Variants in ARHGAP24 observed in about 807,000 individuals in gnomAD.
The protein encoded by ARHGAP24 is Rho GTPase activating protein 24.
Under a neutral mutation model 76.4 loss-of-function variants are expected in ARHGAP24, and 50 were observed. The observed-to-expected ratio is 0.65, with a 90% CI of 0.52 to 0.83. The LOEUF (loss-of-function observed/expected upper bound fraction) is 0.83. ARHGAP24 is among the 40% of genes least tolerant of loss of function. The pLI is 0.00. For synonymous variants in ARHGAP24, 345 were observed against 323.3 expected, an observed-to-expected ratio of 1.07 and a Z score of -0.72; for missense variants, 930 against 914.2, an observed-to-expected ratio of 1.02 and a Z score of -0.22.
At chr4:85,684,224 A>G (rs1723338510) in intron 2 of ARHGAP24, among the ~76,000 whole-genome samples, 1 of 152,166 alleles carries the variant, frequency 6.6e-6, no homozygotes, top group East Asian at 1.9e-4. Context: ...AACAGTGCAC[A>G]AGAGTTCCAT....
At chr4:85,576,765 T>G (rs893836239) in intron 2 of ARHGAP24, among the ~76,000 whole-genome samples, 3 of 152,178 alleles carry the variant, frequency 2.0e-5, no homozygotes, top group Non-Finnish European at 2.9e-5. Flanking sequence ...TTTATTCCAC[T>G]GTTATTTAAA....
At position 85,723,183 on chromosome 4, in the gene ARHGAP24, T is replaced by G. The variant is rs343860; in HGVS notation, c.268+1211T>G. The stretch of plus-strand genomic sequence containing the variant: ...GTCTTTGAAGTATCAGTAGAGGAAA[T>G]GTCTTTTCCGATTTATTCTCAGACA... On this transcript the variant is annotated intron_variant, in intron 3 of 9. Transcript: ENST00000395184. The G allele has an allele frequency of 2.2e-4, 34 of 152,044 alleles. 1 individual carries two copies. Among genetic ancestry groups the G allele is most frequent in the Admixed American group, 2.0e-4 (3 of 15,266 alleles). The allele number at this position is 152,044 out of a possible 1,614,324, so 9.4% of individuals were successfully genotyped here.
At position 85,722,944 on chromosome 4, in the gene ARHGAP24, A is replaced by G. The variant is rs528163187; in HGVS notation, c.268+972A>G. 2.0e-5 allele frequency among the ~76,000 whole-genome samples: 3 copies of G among 152,358 alleles called. No homozygotes were observed. The East Asian group carries it at 5.8e-4, about 29-fold the overall frequency. On this transcript the variant is annotated intron_variant, in intron 3 of 9. Transcript: ENST00000395184. Reference sequence around the variant, plus strand: ...TCCCCTCGATGAAAACAGCTGTGGCACTAAGTTCATCTGGCTCATGATGGA... The same window carrying G: ...TCCCCTCGATGAAAACAGCTGTGGCGCTAAGTTCATCTGGCTCATGATGGA...
At chr4:85,546,796 T>G (rs992865022) in intron 1 of ARHGAP24, among the ~76,000 whole-genome samples, 4 of 152,234 alleles carry the variant, frequency 2.6e-5, no homozygotes, top group Admixed American at 2.6e-4. Flanking sequence ...ACTTATTATT[T>G]TCACATACTT....
At chr4:85,689,912 T>G (rs145016052) in intron 2 of ARHGAP24, among the ~76,000 whole-genome samples, 31 of 151,052 alleles carry the variant, frequency 2.1e-4, no homozygotes, top group African/African-American at 7.4e-4. Flanking sequence ...TGAATAGGAA[T>G]GGTGAAAGTG....
At chr4:85,508,767 C>G (rs556256285) in intron 1 of ARHGAP24, among the ~76,000 whole-genome samples, 2 of 152,224 alleles carry the variant, frequency 1.3e-5, no homozygotes, top group Non-Finnish European at 2.9e-5. Context: ...CATTGGTGTC[C>G]TCTTGCTGTG....
At chr4:85,517,839 A>G (rs974378742) in intron 1 of ARHGAP24, among the ~76,000 whole-genome samples, 5 of 152,150 alleles carry the variant, frequency 3.3e-5, no homozygotes, top group African/African-American at 1.2e-4. Flanking sequence ...TAGAGGGTCA[A>G]TATATAATTT....
intron 3 of ARHGAP24, among the ~76,000 whole-genome samples, chr4:85,812,235 G>A (rs866958175): frequency 2.8e-4 from 43 of 152,038 alleles, no homozygotes; most frequent in Middle Eastern, 3.4e-3. Flanking sequence ...GTATTGGAGC[G>A]CCAAGTAAGT....
intron 3 of ARHGAP24, among the ~76,000 whole-genome samples, chr4:85,776,964 T>G (rs1228536996): frequency 6.6e-6 from 1 of 152,176 alleles, no homozygotes; most frequent in Non-Finnish European, 1.5e-5. Flanking sequence ...TATCAATGTG[T>G]CCAACTCTTG....
chr4:85,922,868 A>C (rs140361001), intron 3 of ARHGAP24, among the ~76,000 whole-genome samples: 83 of 152,306 alleles, frequency 5.4e-4, no homozygotes, highest in African/African-American at 1.9e-3. Context: ...TAGCACTTCA[A>C]AGTTGATATT....
chr4:85,888,415 A>G (rs914188081), intron 3 of ARHGAP24, among the ~76,000 whole-genome samples: 3 of 151,198 alleles, frequency 2.0e-5, no homozygotes, highest in East Asian at 1.9e-4. Context: ...AAAAAAAAAA[A>G]AAAGAAAGAA....
chr4:85,889,306 G>A (rs1288580708), intron 3 of ARHGAP24, among the ~76,000 whole-genome samples: 1 of 152,096 alleles, frequency 6.6e-6, no homozygotes, highest in Non-Finnish European at 1.5e-5. Flanking sequence ...TAGAGAGAGA[G>A]GCAGAATTCC....
chr4:85,758,996 A>G (rs1726633311), intron 3 of ARHGAP24, among the ~76,000 whole-genome samples: 1 of 152,216 alleles, frequency 6.6e-6, no homozygotes, highest in Non-Finnish European at 1.5e-5. Flanking sequence ...CTCACAGGAC[A>G]GCATGAACTG....
chr4:85,894,994 C>CAAAA (rs1734081455), intron 3 of ARHGAP24, among the ~76,000 whole-genome samples: 2 of 15,252 alleles, frequency 1.3e-4, no homozygotes, highest in African/African-American at 3.0e-4. Context: ...AAAAACAAAA[C>CAAAA]AAAAAGCAAA....
chr4:85,570,711 C>T lies in ARHGAP24; in HGVS notation c.170C>T (p.Thr57Ile). The T allele has an allele frequency of 6.2e-7, 1 of 1,614,010 alleles. No homozygotes were observed. The highest frequency in any genetic ancestry group is 8.5e-7 in the Non-Finnish European group (1 of 1,179,984). ...TATTATTTCAAAGATGAAGATGAAA[C>T]CAAGCCCTTGGTGAGTAGGAGAAAA... ...QLYYFKDEDE[T>I]KPLGTIFLPG... The change falls in exon 2 of 10, where the codon ACC becomes ATC. Residue 57 changes from threonine (T) to isoleucine (I), a missense_variant. Coordinates refer to ENST00000395184, the MANE Select transcript of ARHGAP24 (RefSeq NM_001025616.3).
chr4:85,840,797 T>G (rs1483978976), intron 3 of ARHGAP24, among the ~76,000 whole-genome samples: 1 of 152,230 alleles, frequency 6.6e-6, no homozygotes, highest in East Asian at 1.9e-4. Context: ...AGTTGCCACC[T>G]GATCAACAGG....
At chr4:85,641,241 T>C (rs545651421) in intron 2 of ARHGAP24, among the ~76,000 whole-genome samples, 1 of 152,282 alleles carries the variant, frequency 6.6e-6, no homozygotes, top group African/African-American at 2.4e-5. Context: ...GACTCAGGTG[T>C]GCAACACCAT....
intron 1 of ARHGAP24, among the ~76,000 whole-genome samples, chr4:85,544,126 A>G (rs1994073): frequency 0.12 from 18,782 of 152,178 alleles, 3,263 homozygotes; most frequent in African/African-American, 0.39. Context: ...TTCTGAGTCC[A>G]TAAGGGGCCC....
chr4:85,554,757 A>G (rs4374615), intron 1 of ARHGAP24, among the ~76,000 whole-genome samples: 125,092 of 151,442 alleles, frequency 0.83, 53,949 homozygotes, highest in East Asian at 0.98. Context: ...TGCAAGCTCC[A>G]CCTCCCGGGT....
Sources: gnomAD v4.1 joint callset for allele counts (sites outside exome capture counted in the v4.1 genomes callset) on GRCh38, gnomAD v4.1.1 for gene constraint, MANE v1.5 for transcripts, NCBI Gene and HGNC (gene_info 2026-07-23, HGNC 2026-07-21) for gene names.